The following CLTCL1 variants were observed in gnomAD, a reference collection of about 807,000 sequenced individuals.
The protein encoded by CLTCL1 is clathrin heavy chain like 1.
Under a neutral mutation model 190.0 loss-of-function variants are expected in CLTCL1, and 159 were observed. The observed-to-expected ratio is 0.84, with a 90% CI of 0.74 to 0.95. CLTCL1 has a LOEUF of 0.95. Among genes scored for constraint, CLTCL1 ranks in the 40% least tolerant of loss-of-function variants. CLTCL1 has a pLI of 0.00. For synonymous variants in CLTCL1, 752 were observed against 769.6 expected (o/e 0.98, Z 0.38); for missense variants, 1,878 against 2,033.4 (o/e 0.92, Z 1.47).
At chr22:19,273,806 C>T (rs1266968684) in intron 2 of CLTCL1, among the ~76,000 whole-genome samples, 1 of 152,066 alleles carries the variant, frequency 6.6e-6, no homozygotes, top group Non-Finnish European at 1.5e-5. Context: ...CTAAATCATC[C>T]AACCAAAGCC....
At chr22:19,265,556 T>C (rs1319132067) in intron 2 of CLTCL1, among the ~76,000 whole-genome samples, 1 of 152,018 alleles carries the variant, frequency 6.6e-6, no homozygotes, top group Non-Finnish European at 1.5e-5. Context: ...ATATGAATGA[T>C]AAAAATAGCA....
At chr22:19,213,537 T>C (rs542716859) in intron 19 of CLTCL1, among the ~76,000 whole-genome samples, 7 of 152,270 alleles carry the variant, frequency 4.6e-5, no homozygotes, top group African/African-American at 9.6e-5. Context: ...CAAACGTACT[T>C]TGATGGGTGA....
Position 19,233,565 on chromosome 22 carries a change from C to T in CLTCL1, c.1225G>A (p.Gly409Ser), listed in dbSNP as rs1555960307. 6.2e-7 allele frequency: 1 copy of T among 1,613,796 alleles called. No homozygotes were observed. Residue 409 changes from glycine to serine, a missense_variant, in exon 8 of 33, where the codon GGC becomes AGC. Transcript: ENST00000427926. ...QKFQSIPAQS[G>S]QASPLLQYFG... Reference sequence around the variant, plus strand: ...TACTGCAGCAATGGAGAAGCCTGGCCAGACTGAGCGGGTATACTCTGGAAT... The same window carrying T: ...TACTGCAGCAATGGAGAAGCCTGGCTAGACTGAGCGGGTATACTCTGGAAT...
At chr22:19,212,118 T>C (rs186032105) in intron 19 of CLTCL1, among the ~76,000 whole-genome samples, 11 of 152,096 alleles carry the variant, frequency 7.2e-5, no homozygotes, top group African/African-American at 1.9e-4. Context: ...AGAATCAACA[T>C]AGTAAAGATA....
intron 27 of CLTCL1, among the ~76,000 whole-genome samples, chr22:19,190,142 T>C (rs782818606): frequency 1.1e-4 from 16 of 152,166 alleles, no homozygotes; most frequent in African/African-American, 3.9e-4. Context: ...GGTTTCACCA[T>C]GTTGGCCAGG....
chr22:19,235,891 G>T, intron 5 of CLTCL1, 22 bp from the exon 6 acceptor site: 1 of 1,603,986 alleles, frequency 6.2e-7, no homozygotes. Flanking sequence ...CAGAGAGCAA[G>T]AGGTTGGAAA....
rs1006961508 is a variant in CLTCL1 at position 19,208,991 on chromosome 22, T to C, written c.3373A>G (p.Ile1125Val). ...QLQKDLVKEA[I>V]NSYIRGDDPS... ...TCGTCCCCTCTGATATAGGAGTTGA[T>C]GGCTTCCTTCACCAAATCTTTCTGG... The change falls in exon 21 of 33, where the codon ATC (isoleucine) becomes GTC (valine). Residue 1125 changes from isoleucine (I) to valine (V), a missense_variant. Transcript: ENST00000427926. 6.2e-7 allele frequency: 1 copy of C among 1,612,110 alleles called. No individual in the cohort carries two copies. The highest frequency in any genetic ancestry group is 8.5e-7 in the Non-Finnish European group (1 of 1,179,174).
At chr22:19,192,063 C>CTTTTT (rs782761355) in intron 26 of CLTCL1, among the ~76,000 whole-genome samples, 1 of 118,332 alleles carries the variant, frequency 8.5e-6, no homozygotes, top group Non-Finnish European at 1.7e-5. Context: ...GCGATGTCAT[C>CTTTTT]TTTTTTTTTT....
intron 3 of CLTCL1, among the ~76,000 whole-genome samples, chr22:19,245,341 G>A (rs1555967525): frequency 1.3e-5 from 2 of 151,752 alleles, no homozygotes; most frequent in African/African-American, 2.4e-5. Context: ...CCACAGGCGC[G>A]TGCAAGCATG....
At chr22:19,242,049 T>C (rs1329891273) in intron 4 of CLTCL1, among the ~76,000 whole-genome samples, 1 of 150,262 alleles carries the variant, frequency 6.7e-6, no homozygotes, top group African/African-American at 2.5e-5. Context: ...TTCAAGCAAT[T>C]CTCCTGCCTC....
chr22:19,208,132 GC>G (rs1165836337), intron 22 of CLTCL1, 21 bp downstream of exon 22: 1 of 1,613,648 alleles, frequency 6.2e-7, no homozygotes, highest in Non-Finnish European at 8.5e-7. Context: ...GCAGTGCACA[GC>G]CCCCAGGGGG....
Position 19,191,291 on chromosome 22 carries a change from T to G in CLTCL1, c.4323+13A>C, listed in dbSNP as rs1555931838. The G allele has an allele frequency of 1.9e-6, 3 of 1,614,010 alleles. No individual in the cohort carries two copies. The East Asian group carries it at 6.7e-5, about 36-fold the overall frequency. On this transcript the variant is annotated intron_variant, in intron 27 of 32. Transcript: ENST00000427926. ...CCAATACACTCTTCTACCTGGGGTT[T>G]TGGTTGACTCACCTTTGAAAAGAAA... is the stretch of plus-strand genomic sequence containing the variant.
At chr22:19,234,338 T>G (rs1464884881) in intron 7 of CLTCL1, among the ~76,000 whole-genome samples, 171 bp downstream of exon 7, 2 of 152,226 alleles carry the variant, frequency 1.3e-5, no homozygotes, top group Admixed American at 1.3e-4. Context: ...GTGTGTTTTT[T>G]GTTTACTTCC....
chr22:19,197,765 C>T (rs2084756847), intron 24 of CLTCL1, among the ~76,000 whole-genome samples: 1 of 152,184 alleles, frequency 6.6e-6, no homozygotes, highest in Admixed American at 6.5e-5. Context: ...CCGGCCCCTC[C>T]TCTCCAGTGC....
At chr22:19,275,921 T>A in intron 1 of CLTCL1, 91 bp from the exon 2 acceptor site, 2 of 1,191,836 alleles carry the variant, frequency 1.7e-6, no homozygotes, top group Admixed American at 2.4e-5. Flanking sequence ...TAAATAAAAT[T>A]TAGAAAAAAG....
rs201613157 is a variant in CLTCL1 at position 19,196,544 on chromosome 22, G to A, written c.3986C>T (p.Pro1329Leu). The A allele has an allele frequency of 1.2e-6, 2 of 1,613,932 alleles. No individual in the cohort carries two copies. The highest frequency in any genetic ancestry group is 1.7e-6 in the Non-Finnish European group (2 of 1,179,910). ...CTCCAGATGCTCCAGCATCTTCTGT[G>A]GCTTGAATTTGGAGTAGAGGATGGC... ...ELAILYSKFK[P>L]QKMLEHLELF... Residue 1329 changes from proline to leucine, a missense_variant, in exon 25 of 33, where the codon CCA (proline) becomes CTA (leucine). By Grantham distance (98) the Pro-to-Leu change is moderately conservative. Coordinates refer to ENST00000427926, the MANE Select transcript of CLTCL1 (RefSeq NM_007098.4).
chr22:19,209,870 G>A (rs553307057), intron 20 of CLTCL1, among the ~76,000 whole-genome samples: 2 of 152,288 alleles, frequency 1.3e-5, no homozygotes, highest in Admixed American at 1.3e-4. Flanking sequence ...GGCAGGGAGG[G>A]CTGGAGGGCC....
intron 2 of CLTCL1, among the ~76,000 whole-genome samples, chr22:19,274,075 G>A (rs1365542410): frequency 6.6e-6 from 1 of 152,118 alleles, no homozygotes; most frequent in Non-Finnish European, 1.5e-5. Flanking sequence ...AGAAAACCAG[G>A]AAGATTAAAA....
intron 11 of CLTCL1, among the ~76,000 whole-genome samples, chr22:19,226,802 A>G (rs1250818376): frequency 2.0e-5 from 3 of 151,928 alleles, no homozygotes; most frequent in Non-Finnish European, 4.4e-5. Context: ...CAGTGGCACA[A>G]TCTCAGCTCA....
Sources: allele counts gnomAD v4.1 joint callset (sites outside exome capture counted in the v4.1 genomes callset), GRCh38; gene constraint gnomAD v4.1.1; transcripts MANE v1.5; gene names NCBI Gene and HGNC (gene_info 2026-07-23, HGNC 2026-07-21).